The following HERC1 variants were observed in gnomAD, a reference collection of about 807,000 sequenced individuals.
HERC1 encodes the protein HECT and RLD domain containing E3 ubiquitin protein ligase family member 1, also known as probable E3 ubiquitin-protein ligase HERC1.
HERC1 carries 160 observed loss-of-function variants against 554.3 expected under a neutral mutation model. That is an observed-to-expected ratio of 0.29 (90% CI 0.25 to 0.33). The LOEUF is 0.33. Ranked by LOEUF, HERC1 falls within the 10% of genes least tolerant of loss-of-function variation. HERC1 has a pLI of 1.00. For missense variants in HERC1, 4,919 were observed against 5,918.5 expected, an observed-to-expected ratio of 0.83 and a Z score of 5.54; for synonymous variants, 2,175 against 2,131.7, an observed-to-expected ratio of 1.02 and a Z score of -0.56.
At chr15:63,755,161 C>T (rs150887620) in intron 6 of HERC1, 68 bp downstream of exon 6, 31 of 1,075,116 alleles carry the variant, frequency 2.9e-5, no homozygotes, top group Middle Eastern at 4.0e-4. Context: ...TCTGCTCTCA[C>T]GGCTTCTCAG....
chr15:63,692,384 T>G lies in HERC1; in HGVS notation c.5830+27A>C. On this transcript the variant is annotated intron_variant, in intron 31 of 77. Coordinates refer to ENST00000443617, the MANE Select transcript of HERC1 (RefSeq NM_003922.4). The surrounding 1 kb of genome is among the most constrained non-coding windows in gnomAD (Gnocchi z 4.7). ...AAATGCAAGTAATATCTATAAATAC[T>G]CTAAGACAAAGGCAAAGGACATGTA... 3.2e-6 allele frequency: 5 copies of G among 1,557,956 alleles called. No homozygotes were observed. The highest frequency in any genetic ancestry group is 1.4e-5 in the African/African-American group (1 of 72,574).
At chr15:63,618,163 AT>A (rs1466418086) in intron 74 of HERC1, among the ~76,000 whole-genome samples, 2 of 151,366 alleles carry the variant, frequency 1.3e-5, no homozygotes, top group African/African-American at 4.9e-5. Context: ...TCTTTAATCC[AT>A]CTTGAATTCA....
chr15:63,722,944 T>C (rs2073883714), intron 19 of HERC1, among the ~76,000 whole-genome samples: 1 of 152,128 alleles, frequency 6.6e-6, no homozygotes, highest in Non-Finnish European at 1.5e-5. Flanking sequence ...TACCTATAAA[T>C]GTATTATATA....
At chr15:63,762,232 C>T (rs2142312379) in intron 3 of HERC1, among the ~76,000 whole-genome samples, 1 of 152,204 alleles carries the variant, frequency 6.6e-6, no homozygotes, top group African/African-American at 2.4e-5. Context: ...AGACTAATAG[C>T]CAAAAATGAA....
intron 39 of HERC1, among the ~76,000 whole-genome samples, chr15:63,669,945 A>G (rs536015878): frequency 6.6e-6 from 1 of 152,334 alleles, no homozygotes; most frequent in East Asian, 1.9e-4. Flanking sequence ...TTGGGGGAAT[A>G]CAGCCATTAG....
intron 24 of HERC1, among the ~76,000 whole-genome samples, chr15:63,710,309 G>T (rs1436688949): frequency 6.6e-6 from 1 of 152,162 alleles, no homozygotes; most frequent in African/African-American, 2.4e-5. Context: ...TTGGAAAGAA[G>T]TGTCTAAGGA....
chr15:63,718,580 G>A lies in HERC1; in HGVS notation c.3972C>T (p.Asp1324=), dbSNP rs373384499. The change falls in exon 21 of 78, where the codon GAC becomes GAT. Residue 1324 remains aspartate (D), a synonymous_variant. Coordinates refer to ENST00000443617, the MANE Select transcript of HERC1 (RefSeq NM_003922.4). This position sits in a 1 kb window ranked among gnomAD's most constrained non-coding sequence, Gnocchi z 4.2. ...ELIQTRSSSR[D]RWISENQDSA... The stretch of plus-strand genomic sequence containing the variant: ...AATTGATTTCAAACTTTACCCATCT[G>A]TCCCGTGATGATGACCTTGTTTGAA... The A allele has an allele frequency of 9.6e-5, 151 of 1,576,142 alleles. No individual in the cohort carries two copies. Among genetic ancestry groups the A allele is most frequent in the Non-Finnish European group, 8.9e-5 (103 of 1,158,310 alleles).
rs564008528 is a variant in HERC1, at chr15:63,682,464, G to T, written c.6226-1688C>A. On this transcript the variant is annotated intron_variant, in intron 34 of 77. Transcript: ENST00000443617. Reference sequence around the variant, plus strand: ...CTCTCCTCCAGTGGGAGGGGAAAGGGTTCAAAAACCCCTGACAGCTTTGAG... The same window carrying T: ...CTCTCCTCCAGTGGGAGGGGAAAGGTTTCAAAAACCCCTGACAGCTTTGAG... Among the ~76,000 whole-genome samples the T allele has an allele frequency of 7.2e-5, 11 of 152,206 alleles. No homozygotes were observed. The East Asian group carries it at 1.4e-3, about 19-fold the overall frequency.
At position 63,749,909 on chromosome 15, in the gene HERC1, G is replaced by C; in HGVS notation, c.1903-118C>G. The C allele has an allele frequency of 1.2e-6, 1 of 829,874 alleles. No individual in the cohort carries two copies. Among genetic ancestry groups the C allele is most frequent in the Non-Finnish European group, 1.8e-6 (1 of 565,428 alleles). 51.4% of individuals were successfully genotyped at this position (829,874 alleles called of 1,614,324 possible). On this transcript the variant is annotated intron_variant, in intron 8 of 77. Transcript: ENST00000443617. The surrounding 1 kb of genome is among the most constrained non-coding windows in gnomAD (Gnocchi z 4.1). ...GTTTGATAGTAAATAACTTTCTGAT[G>C]TTAAAATCATTTTGATCATTTTAAA...
chr15:63,688,340 A>G (rs1257100692), intron 33 of HERC1, among the ~76,000 whole-genome samples: 2 of 152,212 alleles, frequency 1.3e-5, no homozygotes, highest in Non-Finnish European at 2.9e-5. Flanking sequence ...GCCTGGGGGA[A>G]GAAACAGAAC....
At chr15:63,634,709 A>G (rs778218912) in intron 66 of HERC1, 24 bp downstream of exon 66, 3 of 1,596,550 alleles carry the variant, frequency 1.9e-6, no homozygotes, top group Admixed American at 1.7e-5. Flanking sequence ...ATCAGCTAGA[A>G]TATCTTATTG....
Position 63,775,986 on chromosome 15 carries a change from C to A in HERC1, c.-26-337G>T, listed in dbSNP as rs192400762. Among the ~76,000 whole-genome samples, 133 of 149,436 alleles carry A rather than the reference C, an allele frequency of 8.9e-4. 1 individual carries two copies. The highest frequency in any genetic ancestry group is 3.0e-3 in the African/African-American group (122 of 40,568). ...CTGGGAGGCGGAGGTTGCAGTGAGC[C>A]GAGATCGCGCCACTGCACTCCAGCC... On this transcript the variant is annotated intron_variant, in intron 1 of 77. Coordinates refer to ENST00000443617, the MANE Select transcript of HERC1 (RefSeq NM_003922.4). The surrounding 1 kb of genome is among the most constrained non-coding windows in gnomAD (Gnocchi z 4.0).
At chr15:63,726,417 T>C (rs945357831) in intron 17 of HERC1, among the ~76,000 whole-genome samples, 2 of 152,122 alleles carry the variant, frequency 1.3e-5, no homozygotes, top group South Asian at 2.1e-4. Context: ...GAAATGATAA[T>C]GGATAAGTTA....
At chr15:63,693,186 C>CA (rs201817580) in intron 30 of HERC1, among the ~76,000 whole-genome samples, 21,606 of 149,934 alleles carry the variant, frequency 0.14, 2,099 homozygotes, top group Middle Eastern at 0.21. Context: ...TCAACAACAA[C>CA]AAAAAAAACC....
In HERC1 at chr15:63,632,712, G is replaced by GAC; in HGVS notation, c.12791_12792dup (p.Gln4265ValfsTer5). The GAC allele has an allele frequency of 6.5e-7, 1 of 1,548,096 alleles. No individual in the cohort carries two copies. The highest frequency in any genetic ancestry group is 8.8e-7 in the Non-Finnish European group (1 of 1,141,740). Reference sequence around the variant, plus strand: ...AATAAGCTGAAAAATGTCTTACCTTGACCAAAGGTATACACATGACCATCT... The same window carrying GAC: ...AATAAGCTGAAAAATGTCTTACCTTGACACCAAAGGTATACACATGACCATCT... On this transcript the variant is annotated frameshift_variant, in exon 68 of 78. Transcript: ENST00000443617. LOFTEE classifies it high-confidence loss of function.
chr15:63,668,181 A>T (rs1207649517), intron 40 of HERC1, among the ~76,000 whole-genome samples: 1 of 152,216 alleles, frequency 6.6e-6, no homozygotes, highest in East Asian at 1.9e-4. Context: ...TTTAAAACCA[A>T]CCATATCAAT....
Position 63,612,792 on chromosome 15 carries a change from T to C in HERC1, c.14095-236A>G, listed in dbSNP as rs1043289399. Among the ~76,000 whole-genome samples the C allele has an allele frequency of 6.6e-6, 1 of 152,120 alleles. No homozygotes were observed. Among genetic ancestry groups the C allele is most frequent in the Non-Finnish European group, 1.5e-5 (1 of 68,030 alleles). On this transcript the variant is annotated intron_variant, in intron 76 of 77. Coordinates refer to ENST00000443617, the MANE Select transcript of HERC1 (RefSeq NM_003922.4). The surrounding 1 kb of genome is among the most constrained non-coding windows in gnomAD (Gnocchi z 5.0). ...CTTACACTCCTGGTTCCAGTTCAAG[T>C]CCAATTTAGGAGCCTGCCTTCCCTC...
At chr15:63,778,931 A>C (rs2076194873) in intron 1 of HERC1, among the ~76,000 whole-genome samples, 1 of 152,084 alleles carries the variant, frequency 6.6e-6, no homozygotes, top group Non-Finnish European at 1.5e-5. Context: ...AGAAATAGAC[A>C]AAAAGAAAGA....
intron 77 of HERC1, among the ~76,000 whole-genome samples, chr15:63,610,258 A>T (rs577963263): frequency 7.2e-5 from 11 of 152,324 alleles, no homozygotes; most frequent in African/African-American, 2.6e-4. Flanking sequence ...CAGCAGCCCA[A>T]ATGCACCAGA....
Sources: allele counts gnomAD v4.1 joint callset (sites outside exome capture counted in the v4.1 genomes callset), GRCh38; gene constraint gnomAD v4.1.1; non-coding constraint Gnocchi (gnomAD v3.1); transcripts MANE v1.5; gene names NCBI Gene and HGNC (gene_info 2026-07-23, HGNC 2026-07-21).